PTPRN2: variants seen among roughly 807,000 people sequenced by gnomAD.
PTPRN2 encodes receptor-type tyrosine-protein phosphatase N2.
PTPRN2 carries 74 observed loss-of-function variants against 118.8 expected under a neutral mutation model. That is an observed-to-expected ratio of 0.62 (90% CI 0.52 to 0.76). PTPRN2 has a LOEUF of 0.76. Ranked by LOEUF, PTPRN2 falls within the 30% of genes least tolerant of loss-of-function variation. The pLI is 0.00. For missense variants in PTPRN2, 1,481 were observed against 1,394.4 expected (o/e 1.06, Z -0.99); for synonymous variants, 641 against 608.0 (o/e 1.05, Z -0.80).
chr7:157,637,048 T>C (rs957100876), intron 14 of PTPRN2, among the ~76,000 whole-genome samples: 1 of 152,232 alleles, frequency 6.6e-6, no homozygotes, highest in Non-Finnish European at 1.5e-5. Flanking sequence ...ACAAATGTAT[T>C]TGCAAATATT....
chr7:157,571,415 T>G, intron 20 of PTPRN2, 25 bp downstream of exon 20: 1 of 1,581,926 alleles, frequency 6.3e-7, no homozygotes, highest in Non-Finnish European at 8.6e-7. Context: ...CCAAAACTTC[T>G]TAATCCATTA....
rs1178573003 is a variant in PTPRN2, at chr7:157,671,525, G to C, written c.2001+11200C>G. Among the ~76,000 whole-genome samples, 1 of 152,138 alleles carries C rather than the reference G, an allele frequency of 6.6e-6. No homozygotes were observed. On this transcript the variant is annotated intron_variant, in intron 13 of 22. Transcript: ENST00000389418. This position sits in a 1 kb window ranked among gnomAD's most constrained non-coding sequence, Gnocchi z 4.1. ...GGGTCTGCAGGGATAAAGTGGGAGGGGGGGCGGTGCAACGGAGGGAGCCGG... is the reference window on the plus strand; with the variant it reads ...GGGTCTGCAGGGATAAAGTGGGAGGCGGGGCGGTGCAACGGAGGGAGCCGG...
chr7:158,284,004 TAATC>T (rs1401277647), intron 3 of PTPRN2, among the ~76,000 whole-genome samples: 1 of 152,206 alleles, frequency 6.6e-6, no homozygotes, highest in Non-Finnish European at 1.5e-5. Flanking sequence ...GATCACACGT[TAATC>T]AATCACACGT....
At chr7:157,608,100 C>A (rs1266789438) in intron 15 of PTPRN2, among the ~76,000 whole-genome samples, 1 of 152,140 alleles carries the variant, frequency 6.6e-6, no homozygotes, top group Non-Finnish European at 1.5e-5. Context: ...CAGGGTCTTG[C>A]TCCGTCACCC....
chr7:157,793,189 C>T (rs1031306274), intron 12 of PTPRN2, among the ~76,000 whole-genome samples: 3 of 152,146 alleles, frequency 2.0e-5, no homozygotes, highest in African/African-American at 4.8e-5. Context: ...GGCACCCAGC[C>T]GAGAGTCCCC....
intron 11 of PTPRN2, among the ~76,000 whole-genome samples, chr7:158,068,205 C>T (rs907848643): frequency 2.6e-5 from 4 of 152,242 alleles, no homozygotes; most frequent in Non-Finnish European, 5.9e-5. Flanking sequence ...CCCTCAGTGT[C>T]CCTGTCACTC....
At position 157,903,344 on chromosome 7, in the gene PTPRN2, G is replaced by T. The variant is rs1797578023; in HGVS notation, c.1724-4607C>A. Among the ~76,000 whole-genome samples the T allele has an allele frequency of 6.6e-6, 1 of 151,740 alleles. No individual in the cohort carries two copies. Among genetic ancestry groups the T allele is most frequent in the Non-Finnish European group, 1.5e-5 (1 of 68,014 alleles). The stretch of plus-strand genomic sequence containing the variant: ...GACGTGCTCACTACCTGCAAGACGG[G>T]AGCAAGCAAGACGGTACCCCAAACC... On this transcript the variant is annotated intron_variant, in intron 11 of 22. Coordinates refer to ENST00000389418, the MANE Select transcript of PTPRN2 (RefSeq NM_002847.5). The surrounding 1 kb of genome is among the most constrained non-coding windows in gnomAD (Gnocchi z 4.2).
At chr7:158,396,117 C>G (rs1472622192) in intron 2 of PTPRN2, among the ~76,000 whole-genome samples, 1 of 152,188 alleles carries the variant, frequency 6.6e-6, no homozygotes, top group Non-Finnish European at 1.5e-5. Context: ...GCAGCGAAGG[C>G]CGGGACACGC....
chr7:158,512,369 G>A (rs1416472593), intron 1 of PTPRN2, among the ~76,000 whole-genome samples: 2 of 152,232 alleles, frequency 1.3e-5, no homozygotes, highest in East Asian at 1.9e-4. Context: ...CTATTGGAGT[G>A]GAGGTTACAG....
At chr7:157,803,904 A>C (rs1471363207) in intron 12 of PTPRN2, among the ~76,000 whole-genome samples, 59 of 152,260 alleles carry the variant, frequency 3.9e-4, no homozygotes, top group Admixed American at 1.6e-3. Context: ...AAAATATGTC[A>C]ACTTTTCTTT....
intron 11 of PTPRN2, among the ~76,000 whole-genome samples, chr7:158,037,244 G>A (rs754477920): frequency 7.9e-5 from 12 of 152,164 alleles, no homozygotes; most frequent in African/African-American, 9.7e-5. Flanking sequence ...CTCACTCAGC[G>A]AAGACACATG....
intron 11 of PTPRN2, among the ~76,000 whole-genome samples, chr7:157,952,865 G>A (rs908002458): frequency 1.3e-5 from 2 of 152,140 alleles, no homozygotes; most frequent in East Asian, 3.9e-4. Context: ...GTGTCCCTGG[G>A]TACAGCAGAC....
chr7:158,118,877 A>AT (rs1192962345), intron 9 of PTPRN2, among the ~76,000 whole-genome samples: 3 of 151,870 alleles, frequency 2.0e-5, no homozygotes, highest in African/African-American at 4.8e-5. Context: ...TAACTTTTCT[A>AT]TTTTTTGTAG....
intron 15 of PTPRN2, among the ~76,000 whole-genome samples, chr7:157,614,603 G>C (rs1802632937): frequency 6.6e-6 from 1 of 152,192 alleles, no homozygotes; most frequent in African/African-American, 2.4e-5. Context: ...GTGTGTGATA[G>C]CAATGGCGCT....
intron 2 of PTPRN2, among the ~76,000 whole-genome samples, chr7:158,373,261 G>C (rs186721959): frequency 6.6e-6 from 1 of 152,210 alleles, no homozygotes; most frequent in Non-Finnish European, 1.5e-5. Context: ...CTTGACCTCG[G>C]GGCCCGGCCT....
At chr7:158,320,646 G>A (rs1802938071) in intron 2 of PTPRN2, among the ~76,000 whole-genome samples, 1 of 152,254 alleles carries the variant, frequency 6.6e-6, no homozygotes, top group South Asian at 2.1e-4. Context: ...TGTCATAGGT[G>A]TGTATCGGTA....
intron 11 of PTPRN2, among the ~76,000 whole-genome samples, chr7:158,057,063 G>C (rs1400262012): frequency 6.6e-6 from 1 of 152,212 alleles, no homozygotes; most frequent in African/African-American, 2.4e-5. Context: ...GCCCTCTGTG[G>C]TTATTGGCAA....
At chr7:158,521,802 C>CTGTCCGGGTAG (rs1824104434) in intron 1 of PTPRN2, among the ~76,000 whole-genome samples, 1 of 16,598 alleles carries the variant, frequency 6.0e-5, no homozygotes, top group Non-Finnish European at 1.3e-4. Flanking sequence ...TGTCCAGGTG[C>CTGTCCGGGTAG]TGGCTCGGGA....
At chr7:158,494,991 T>C (rs1318957244) in intron 1 of PTPRN2, among the ~76,000 whole-genome samples, 2 of 152,112 alleles carry the variant, frequency 1.3e-5, no homozygotes, top group Non-Finnish European at 1.5e-5. Context: ...TCCGACCCTG[T>C]TACTGTCAGT....
Sources: gnomAD v4.1 joint callset for allele counts (sites outside exome capture counted in the v4.1 genomes callset) on GRCh38, gnomAD v4.1.1 for gene constraint, Gnocchi (gnomAD v3.1) non-coding constraint, MANE v1.5 for transcripts, NCBI Gene and HGNC (gene_info 2026-07-23, HGNC 2026-07-21) for gene names.